Variants in MANBA observed in about 807,000 individuals in gnomAD.
MANBA encodes the protein mannosidase beta, also known as beta-mannosidase.
A neutral mutation model predicts 111.1 loss-of-function variants in MANBA; 83 were observed. The observed-to-expected ratio is 0.75, with a 90% CI of 0.63 to 0.90. The LOEUF (loss-of-function observed/expected upper bound fraction) is 0.90. Among genes scored for constraint, MANBA ranks in the 40% least tolerant of loss-of-function variants. The pLI is 0.00. For missense variants in MANBA, 1,036 were observed against 1,069.0 expected (o/e 0.97, Z 0.43); for synonymous variants, 370 against 378.7 (o/e 0.98, Z 0.27).
intron 1 of MANBA, among the ~76,000 whole-genome samples, chr4:102,732,385 C>A (rs1425917380): frequency 1.3e-5 from 2 of 152,216 alleles, no homozygotes; most frequent in Admixed American, 6.5e-5. Context: ...TCCTTAGGGA[C>A]CGTAACTCCA....
intron 5 of MANBA, among the ~76,000 whole-genome samples, chr4:102,708,754 C>G (rs1464590564): frequency 6.6e-6 from 1 of 151,666 alleles, no homozygotes; most frequent in African/African-American, 2.4e-5. Flanking sequence ...CCTATGTAGA[C>G]TAATCAAGGA....
intron 4 of MANBA, chr4:102,722,616 A>G (rs2110193369): frequency 2.1e-6 from 1 of 475,948 alleles, no homozygotes; most frequent in Admixed American, 3.4e-5. Flanking sequence ...ATTATCAGCC[A>G]CATATTTTTC....
intron 1 of MANBA, among the ~76,000 whole-genome samples, chr4:102,750,288 C>T (rs192426051): frequency 3.3e-5 from 5 of 151,428 alleles, no homozygotes; most frequent in African/African-American, 9.7e-5. Context: ...AAAATGATCA[C>T]GTAAAGCCAA....
chr4:102,694,980 G>C (rs1399026143), intron 5 of MANBA, among the ~76,000 whole-genome samples: 1 of 152,106 alleles, frequency 6.6e-6, no homozygotes. Context: ...CCACTAATTC[G>C]CTTTAAGGTT....
chr4:102,646,911 T>C (rs1426914570), intron 13 of MANBA, among the ~76,000 whole-genome samples: 1 of 152,112 alleles, frequency 6.6e-6, no homozygotes, highest in Non-Finnish European at 1.5e-5. Context: ...AGAAATTTAC[T>C]GGACAGTTTT....
At chr4:102,698,269 C>T (rs1321323970) in intron 5 of MANBA, among the ~76,000 whole-genome samples, 114 of 152,076 alleles carry the variant, frequency 7.5e-4, no homozygotes, top group Middle Eastern at 3.4e-3. Context: ...CTTTGTCAGA[C>T]GAGTAGGTTG....
intron 1 of MANBA, 54 bp downstream of exon 1, chr4:102,760,664 C>G (rs916274334): frequency 8.1e-6 from 12 of 1,488,452 alleles, no homozygotes; most frequent in Non-Finnish European, 1.1e-5. Context: ...GGGCCCCTCT[C>G]AGCACCAGAA....
rs545743677 is a variant in MANBA at position 102,703,891 on chromosome 4, C to G, written c.673+10547G>C. 1.7e-4 allele frequency among the ~76,000 whole-genome samples: 26 copies of G among 152,210 alleles called. No homozygotes were observed. The South Asian group carries it at 4.8e-3, about 28-fold the overall frequency. ...CGGGTGGATCACAAGGTCAGGAGATCAAGACCATCCCCACTAACACAGTGA... is the reference window on the plus strand; with the variant it reads ...CGGGTGGATCACAAGGTCAGGAGATGAAGACCATCCCCACTAACACAGTGA... On this transcript the variant is annotated intron_variant, in intron 5 of 16. Coordinates refer to ENST00000647097, the MANE Select transcript of MANBA (RefSeq NM_005908.4).
At chr4:102,667,620 A>G (rs1731285473) in intron 10 of MANBA, 1 of 152,194 alleles carries the variant, frequency 6.6e-6, no homozygotes, top group Non-Finnish European at 1.5e-5. Context: ...TTTCATGAGG[A>G]GTGACATCAT....
chr4:102,754,901 T>C (rs1261707628), intron 1 of MANBA, among the ~76,000 whole-genome samples: 1 of 152,120 alleles, frequency 6.6e-6, no homozygotes, highest in Non-Finnish European at 1.5e-5. Flanking sequence ...GTGTATGCAT[T>C]AAAAAAATTA....
chr4:102,682,670 T>C (rs1470212593), intron 7 of MANBA: 1 of 152,148 alleles, frequency 6.6e-6, no homozygotes, highest in African/African-American at 2.4e-5. Context: ...CCTAACCCAA[T>C]GGCTGGTGTA....
chr4:102,686,265 T>C (rs966907905), intron 7 of MANBA, among the ~76,000 whole-genome samples: 3 of 152,122 alleles, frequency 2.0e-5, no homozygotes, highest in Non-Finnish European at 4.4e-5. Flanking sequence ...TGTCTACACA[T>C]ACTGAAAATC....
At chr4:102,649,968 A>G (rs1036736846) in intron 13 of MANBA, among the ~76,000 whole-genome samples, 2 of 152,108 alleles carry the variant, frequency 1.3e-5, no homozygotes, top group African/African-American at 4.8e-5. Context: ...GCTGGTCTCA[A>G]ACTCCTAGGC....
chr4:102,712,400 A>G (rs761681485), intron 5 of MANBA, among the ~76,000 whole-genome samples: 9 of 152,222 alleles, frequency 5.9e-5, no homozygotes, highest in Non-Finnish European at 1.3e-4. Context: ...ATTAAACCAG[A>G]GCAGTATTAT....
At chr4:102,640,961 C>T (rs1407070687) in intron 13 of MANBA, among the ~76,000 whole-genome samples, 1 of 151,984 alleles carries the variant, frequency 6.6e-6, no homozygotes, top group Admixed American at 6.6e-5. Flanking sequence ...TGGTGGGCAC[C>T]CCTGCCAGAA....
chr4:102,696,286 C>T (rs1237313828), intron 5 of MANBA, among the ~76,000 whole-genome samples: 8 of 152,142 alleles, frequency 5.3e-5, no homozygotes, highest in Admixed American at 5.2e-4. Context: ...TGACCCTCTG[C>T]TAAACGTGTA....
At chr4:102,710,356 C>T (rs549958967) in intron 5 of MANBA, among the ~76,000 whole-genome samples, 10 of 152,092 alleles carry the variant, frequency 6.6e-5, no homozygotes, top group Admixed American at 6.5e-4. Flanking sequence ...AGTGTTTCTA[C>T]ACATCAATGA....
chr4:102,705,240 G>A (rs1468077142), intron 5 of MANBA, among the ~76,000 whole-genome samples: 2 of 152,154 alleles, frequency 1.3e-5, no homozygotes, highest in South Asian at 4.1e-4. Flanking sequence ...AGCCATGAGA[G>A]AGCACCTCCA....
At chr4:102,739,789 A>G (rs1723339058) in intron 1 of MANBA, among the ~76,000 whole-genome samples, 1 of 152,228 alleles carries the variant, frequency 6.6e-6, no homozygotes, top group Non-Finnish European at 1.5e-5. Flanking sequence ...GAAGGGACAT[A>G]CCTTCAGGAA....
Sources: allele counts gnomAD v4.1 joint callset (sites outside exome capture counted in the v4.1 genomes callset), GRCh38; gene constraint gnomAD v4.1.1; transcripts MANE v1.5; gene names NCBI Gene and HGNC (gene_info 2026-07-23, HGNC 2026-07-21).